HOOK3: variants seen among roughly 807,000 people sequenced by gnomAD.
HOOK3 encodes hook microtubule tethering protein 3.
In HOOK3, 24 loss-of-function variants were observed where a neutral mutation model predicts 116.3. The observed-to-expected ratio is 0.21, with a 90% CI of 0.15 to 0.29. HOOK3 has a LOEUF of 0.29. Among genes scored for constraint, HOOK3 ranks in the 10% least tolerant of loss-of-function variants. The probability of loss-of-function intolerance (pLI) is 1.00; values close to 1 mark genes in which losing one functional copy is unlikely to be tolerated. For missense variants in HOOK3, 632 were observed against 830.2 expected, an observed-to-expected ratio of 0.76 and a Z score of 2.93; for synonymous variants, 275 against 283.0, an observed-to-expected ratio of 0.97 and a Z score of 0.28.
At chr8:42,984,003 T>G (rs1350159105) in intron 14 of HOOK3, among the ~76,000 whole-genome samples, 1 of 152,156 alleles carries the variant, frequency 6.6e-6, no homozygotes, top group Non-Finnish European at 1.5e-5. Flanking sequence ...ACTGTAAAAG[T>G]TGAAATAAGC....
intron 11 of HOOK3, among the ~76,000 whole-genome samples, chr8:42,969,473 A>T (rs1298398133): frequency 6.6e-6 from 1 of 152,256 alleles, no homozygotes; most frequent in East Asian, 1.9e-4. Flanking sequence ...AAATAACTTT[A>T]AGTTAGCTGG....
chr8:42,977,335 C>T (rs561006228), intron 13 of HOOK3, among the ~76,000 whole-genome samples: 129 of 152,246 alleles, frequency 8.5e-4, no homozygotes, highest in African/African-American at 2.9e-3. Context: ...CCTGGGGACT[C>T]CCTGTCTTGC....
At chr8:43,014,252 C>G (rs529177100) in intron 21 of HOOK3, among the ~76,000 whole-genome samples, 102 of 139,178 alleles carry the variant, frequency 7.3e-4, no homozygotes, top group Non-Finnish European at 7.6e-4. Flanking sequence ...TGCCATTGCA[C>G]TCCAGCCTGG....
At chr8:42,959,987 G>A (rs1320841258) in intron 8 of HOOK3, among the ~76,000 whole-genome samples, 2 of 152,094 alleles carry the variant, frequency 1.3e-5, no homozygotes, top group Non-Finnish European at 1.5e-5. Flanking sequence ...GATGCATATT[G>A]AAGAAGGTAA....
chr8:43,026,844 TA>T lies in HOOK3; in HGVS notation c.*8348del. 1 of 218,378 alleles carries T rather than the reference TA, an allele frequency of 4.6e-6. No individual in the cohort carries two copies. Among genetic ancestry groups the T allele is most frequent in the African/African-American group, 2.2e-5 (1 of 44,630 alleles). 13.5% of individuals were successfully genotyped at this position (218,378 alleles called of 1,614,324 possible). Reference sequence around the variant, plus strand: ...TGCAAAAGCATTCTGAGTTCCCCTGTAACAGATAGGTTTTATGAACTCAGCT... The same window carrying T: ...TGCAAAAGCATTCTGAGTTCCCCTGTACAGATAGGTTTTATGAACTCAGCT... On this transcript the variant is annotated 3_prime_UTR_variant, in exon 22 of 22. Transcript: ENST00000307602.
At chr8:43,006,209 A>T (rs1387742269) in intron 17 of HOOK3, among the ~76,000 whole-genome samples, 2 of 149,580 alleles carry the variant, frequency 1.3e-5, no homozygotes, top group Admixed American at 6.7e-5. Flanking sequence ...TTTAGTAGAG[A>T]TGGGGTTTCA....
chr8:42,938,723 T>G (rs1279138842), intron 4 of HOOK3, among the ~76,000 whole-genome samples: 1 of 151,674 alleles, frequency 6.6e-6, no homozygotes. Context: ...TATTTATTTA[T>G]TTATTTATTT....
At chr8:42,936,969 C>T (rs922721302) in intron 4 of HOOK3, among the ~76,000 whole-genome samples, 8 of 152,132 alleles carry the variant, frequency 5.3e-5, no homozygotes, top group African/African-American at 1.9e-4. Context: ...GGAATGGTAC[C>T]AGCTCCTCTT....
At chr8:42,898,252 G>C (rs1807093324) in intron 1 of HOOK3, among the ~76,000 whole-genome samples, 1 of 152,198 alleles carries the variant, frequency 6.6e-6, no homozygotes, top group Admixed American at 6.5e-5. Flanking sequence ...TTATAGTTTG[G>C]CTACGTCACG....
Position 43,023,051 on chromosome 8 carries a change from A to AC in HOOK3, c.*4554dup, listed in dbSNP as rs1563317198. On this transcript the variant is annotated 3_prime_UTR_variant, in exon 22 of 22. Coordinates refer to ENST00000307602, the MANE Select transcript of HOOK3 (RefSeq NM_032410.4). ...GTGAAACCCCATCTCTACTAAAAATACAGTATTAGCCAGGCATGGTGGCAG... is the reference window on the plus strand; with the variant it reads ...GTGAAACCCCATCTCTACTAAAAATACCAGTATTAGCCAGGCATGGTGGCAG... 1 of 156,238 alleles carries AC rather than the reference A, an allele frequency of 6.4e-6. No homozygotes were observed. The highest frequency in any genetic ancestry group is 1.4e-5 in the Non-Finnish European group (1 of 70,474). The allele number at this position is 156,238 out of a possible 1,614,324, so 9.7% of individuals were successfully genotyped here. A position where few individuals can be genotyped will look rare whatever the true frequency, so the allele number is the denominator to read the frequency against.
intron 2 of HOOK3, among the ~76,000 whole-genome samples, chr8:42,917,812 A>C (rs1807561796): frequency 6.6e-6 from 1 of 152,194 alleles, no homozygotes; most frequent in Non-Finnish European, 1.5e-5. Context: ...TGTCTGTTGG[A>C]ATCTATCCAT....
chr8:42,936,809 T>C (rs1052023048), intron 4 of HOOK3, among the ~76,000 whole-genome samples: 1 of 152,188 alleles, frequency 6.6e-6, no homozygotes, highest in Admixed American at 6.5e-5. Flanking sequence ...TTATTGAGGA[T>C]TTTTTCATCG....
chr8:42,995,074 T>C (rs1809240123), intron 15 of HOOK3, among the ~76,000 whole-genome samples: 1 of 152,236 alleles, frequency 6.6e-6, no homozygotes, highest in Non-Finnish European at 1.5e-5. Context: ...TTCAGGTAAT[T>C]TATTCTTTTG....
At chr8:43,016,911 C>T (rs938360274) in intron 21 of HOOK3, among the ~76,000 whole-genome samples, 9 of 152,072 alleles carry the variant, frequency 5.9e-5, no homozygotes, top group African/African-American at 1.4e-4. Flanking sequence ...CATGGGCTCA[C>T]GCCTGTAATT....
chr8:42,987,162 A>AAAAC (rs995545742), intron 15 of HOOK3, among the ~76,000 whole-genome samples: 5 of 152,168 alleles, frequency 3.3e-5, no homozygotes, highest in African/African-American at 9.7e-5. Context: ...ACTCTGTCTC[A>AAAAC]AAACAAACAA....
intron 5 of HOOK3, chr8:42,949,302 C>A (rs957547428): frequency 6.6e-6 from 1 of 152,104 alleles, no homozygotes; most frequent in East Asian, 1.9e-4. Flanking sequence ...ACAAAGAGAT[C>A]TTTTTGTTTT....
intron 3 of HOOK3, among the ~76,000 whole-genome samples, chr8:42,927,217 A>G (rs1003755962): frequency 1.3e-5 from 2 of 149,074 alleles, no homozygotes; most frequent in African/African-American, 4.9e-5. Context: ...TTACTAAGCT[A>G]GTGAATGAAA....
Position 43,013,473 on chromosome 8 carries a change from G to A in HOOK3, c.2016+73G>A. The stretch of plus-strand genomic sequence containing the variant: ...TAATACTTATTATATTCCCTTTACT[G>A]TAGAAGTCACTCTACCAAATGAATC... On this transcript the variant is annotated intron_variant, in intron 21 of 21. Coordinates refer to ENST00000307602, the MANE Select transcript of HOOK3 (RefSeq NM_032410.4). 2.5e-6 allele frequency: 3 copies of A among 1,214,254 alleles called. No homozygotes were observed. The South Asian group carries it at 5.4e-5, about 22-fold the overall frequency. 75.2% of individuals were successfully genotyped at this position (1,214,254 alleles called of 1,614,324 possible). A position where few individuals can be genotyped will look rare whatever the true frequency, so the allele number is the denominator to read the frequency against.
intron 3 of HOOK3, among the ~76,000 whole-genome samples, chr8:42,926,270 A>AT (rs1416091912): frequency 1.3e-5 from 2 of 152,042 alleles, no homozygotes; most frequent in Non-Finnish European, 2.9e-5. Context: ...CCACCAAATT[A>AT]TTTTTTTAAC....
Sources: allele counts gnomAD v4.1 joint callset (sites outside exome capture counted in the v4.1 genomes callset), GRCh38; gene constraint gnomAD v4.1.1; transcripts MANE v1.5; gene names NCBI Gene and HGNC (gene_info 2026-07-23, HGNC 2026-07-21).